Variants in CTNND2 observed in about 807,000 individuals in gnomAD.
The protein encoded by CTNND2 is catenin delta-2.
In CTNND2, 22 loss-of-function variants were observed where a neutral mutation model predicts 144.4. The ratio of observed to expected loss-of-function variants is 0.15; its 90% confidence interval spans 0.11 to 0.22. The LOEUF is 0.22. CTNND2 is among the 10% of genes least tolerant of loss of function. CTNND2 has a pLI of 1.00. For synonymous variants in CTNND2, 751 were observed against 695.6 expected, an observed-to-expected ratio of 1.08 and a Z score of -1.25; for missense variants, 1,353 against 1,618.8, an observed-to-expected ratio of 0.84 and a Z score of 2.82.
At chr5:11,191,875 G>C (rs2149815563) in intron 11 of CTNND2, among the ~76,000 whole-genome samples, 1 of 152,290 alleles carries the variant, frequency 6.6e-6, no homozygotes, top group Non-Finnish European at 1.5e-5. Context: ...GCTGGCTCTG[G>C]CTTCCCCTGC....
At chr5:11,037,682 CCT>C (rs1744239629) in intron 16 of CTNND2, among the ~76,000 whole-genome samples, 1 of 152,188 alleles carries the variant, frequency 6.6e-6, no homozygotes, top group Non-Finnish European at 1.5e-5. Flanking sequence ...CTGTCTATTT[CCT>C]CTGTCTCCAG....
intron 3 of CTNND2, among the ~76,000 whole-genome samples, chr5:11,510,630 C>G (rs1771545057): frequency 6.6e-6 from 1 of 152,174 alleles, no homozygotes; most frequent in South Asian, 2.1e-4. Flanking sequence ...CAAACACACT[C>G]AAATTTAAAA....
At chr5:11,825,628 TC>T (rs1793562692) in intron 1 of CTNND2, among the ~76,000 whole-genome samples, 1 of 152,036 alleles carries the variant, frequency 6.6e-6, no homozygotes, top group African/African-American at 2.4e-5. Flanking sequence ...AATCTAACAA[TC>T]CTGACCCATC....
At chr5:11,361,795 C>T (rs901881179) in intron 8 of CTNND2, among the ~76,000 whole-genome samples, 2 of 152,140 alleles carry the variant, frequency 1.3e-5, no homozygotes, top group African/African-American at 4.8e-5. Context: ...TCAATGACAC[C>T]GTCTAATAAT....
intron 16 of CTNND2, among the ~76,000 whole-genome samples, chr5:11,055,947 T>C (rs1408268386): frequency 6.6e-6 from 1 of 152,162 alleles, no homozygotes; most frequent in Non-Finnish European, 1.5e-5. Flanking sequence ...CTTGAGCTGA[T>C]TTCCTGGCTG....
intron 3 of CTNND2, among the ~76,000 whole-genome samples, chr5:11,429,175 G>A (rs1265145999): frequency 6.6e-6 from 1 of 152,076 alleles, no homozygotes; most frequent in African/African-American, 2.4e-5. Context: ...GCACTTCAGA[G>A]TCATCTTTTT....
At chr5:11,408,155 G>C (rs1761239206) in intron 5 of CTNND2, among the ~76,000 whole-genome samples, 1 of 152,094 alleles carries the variant, frequency 6.6e-6, no homozygotes, top group Non-Finnish European at 1.5e-5. Flanking sequence ...TGCGCTGTTT[G>C]TTCCCTTAAT....
intron 13 of CTNND2, among the ~76,000 whole-genome samples, chr5:11,114,321 A>C (rs753943927): frequency 2.8e-4 from 42 of 151,978 alleles, no homozygotes; most frequent in Middle Eastern, 6.8e-3. Flanking sequence ...ATCGAGCTGC[A>C]GCTGGGGAGA....
At chr5:11,370,500 T>C (rs1757371907) in intron 7 of CTNND2, among the ~76,000 whole-genome samples, 1 of 152,248 alleles carries the variant, frequency 6.6e-6, no homozygotes, top group African/African-American at 2.4e-5. Context: ...CATTTGTTGC[T>C]TTATTCAAAC....
intron 16 of CTNND2, among the ~76,000 whole-genome samples, chr5:11,061,705 G>A (rs1746999436): frequency 6.7e-6 from 1 of 150,182 alleles, no homozygotes; most frequent in Non-Finnish European, 1.5e-5. Flanking sequence ...AGTAGATATT[G>A]TTTTCTTTCT....
At position 11,702,574 on chromosome 5, in the gene CTNND2, C is replaced by T. The variant is rs188964924; in HGVS notation, c.174+29562G>A. The stretch of plus-strand genomic sequence containing the variant: ...TACTACTGTCCCTCTTATCTTTCTT[C>T]TTCTACCCAGAATTGCAAAGACAAT... On this transcript the variant is annotated intron_variant, in intron 2 of 21. Transcript: ENST00000304623. Among the ~76,000 whole-genome samples, 15 of 152,294 alleles carry T rather than the reference C, an allele frequency of 9.8e-5. No individual in the cohort carries two copies. The East Asian group carries it at 2.1e-3, about 22-fold the overall frequency.
chr5:11,105,028 G>A lies in CTNND2; in HGVS notation c.2463+5830C>T, dbSNP rs538120930. Among the ~76,000 whole-genome samples the A allele has an allele frequency of 4.3e-4, 65 of 152,290 alleles. 1 individual carries two copies. Among genetic ancestry groups the A allele is most frequent in the African/African-American group, 1.5e-3 (64 of 41,556 alleles). On this transcript the variant is annotated intron_variant, in intron 14 of 21. Coordinates refer to ENST00000304623, the MANE Select transcript of CTNND2 (RefSeq NM_001332.4). ...CTCCACAGACTGGCATCACGAGGCCGGCCACTGTGCTGTGCCCCACAGAAG... is the reference window on the plus strand; with the variant it reads ...CTCCACAGACTGGCATCACGAGGCCAGCCACTGTGCTGTGCCCCACAGAAG...
intron 2 of CTNND2, among the ~76,000 whole-genome samples, chr5:11,689,318 A>C (rs1784792813): frequency 6.6e-6 from 1 of 152,234 alleles, no homozygotes; most frequent in Non-Finnish European, 1.5e-5. Flanking sequence ...ATAATGTGGT[A>C]GAGTATTAAA....
intron 13 of CTNND2, among the ~76,000 whole-genome samples, chr5:11,117,134 T>TAA (rs75199991): frequency 2.1e-5 from 3 of 145,962 alleles, no homozygotes; most frequent in Non-Finnish European, 4.6e-5. Context: ...TGGATTACAT[T>TAA]AAAAAAAAAA....
At chr5:11,154,306 C>T (rs753213480) in intron 12 of CTNND2, among the ~76,000 whole-genome samples, 10 of 152,130 alleles carry the variant, frequency 6.6e-5, no homozygotes, top group South Asian at 4.1e-4. Flanking sequence ...AAATCAGATC[C>T]GTGTGTGGGG....
chr5:11,347,247 CA>C (rs1754896753), intron 8 of CTNND2, among the ~76,000 whole-genome samples: 2 of 152,058 alleles, frequency 1.3e-5, no homozygotes, highest in Non-Finnish European at 2.9e-5. Context: ...GCCTCTTTTT[CA>C]AGTGAAGCTG....
intron 1 of CTNND2, among the ~76,000 whole-genome samples, chr5:11,828,394 G>T (rs1793712891): frequency 6.6e-6 from 1 of 152,156 alleles, no homozygotes; most frequent in Non-Finnish European, 1.5e-5. Context: ...GCTGGGCATG[G>T]TGGGAGGCAC....
intron 12 of CTNND2, among the ~76,000 whole-genome samples, chr5:11,135,790 C>A (rs1756084228): frequency 6.6e-6 from 1 of 152,206 alleles, no homozygotes; most frequent in Admixed American, 6.5e-5. Context: ...CCTACATGCA[C>A]TGGCCCCTTA....
intron 10 of CTNND2, among the ~76,000 whole-genome samples, chr5:11,201,685 G>T (rs976892502): frequency 3.3e-5 from 5 of 152,214 alleles, no homozygotes; most frequent in African/African-American, 1.2e-4. Flanking sequence ...AGGGAAGGAA[G>T]AGGGAGGGAT....
Sources: gnomAD v4.1 joint callset for allele counts (sites outside exome capture counted in the v4.1 genomes callset) on GRCh38, gnomAD v4.1.1 for gene constraint, MANE v1.5 for transcripts, NCBI Gene and HGNC (gene_info 2026-07-23, HGNC 2026-07-21) for gene names.